Variants in MASP1 observed in about 807,000 individuals in gnomAD.
The protein encoded by MASP1 is mannan-binding lectin serine protease 1.
A neutral mutation model predicts 77.1 loss-of-function variants in MASP1; 59 were observed. The observed-to-expected ratio is 0.77, with a 90% CI of 0.62 to 0.95. The LOEUF (loss-of-function observed/expected upper bound fraction) is 0.95. Ranked by LOEUF, MASP1 falls within the 40% of genes least tolerant of loss-of-function variation. MASP1 has a pLI of 0.00. For missense variants in MASP1, 885 were observed against 912.9 expected (o/e 0.97, Z 0.39); for synonymous variants, 362 against 354.5 (o/e 1.02, Z -0.24).
intron 2 of MASP1, among the ~76,000 whole-genome samples, chr3:187,278,036 A>G (rs1315224469): frequency 1.3e-5 from 2 of 152,200 alleles, no homozygotes; most frequent in Non-Finnish European, 2.9e-5. Flanking sequence ...CATTGCCTTC[A>G]TTACCACTAT....
chr3:187,278,123 A>C (rs1254209642), intron 2 of MASP1, among the ~76,000 whole-genome samples: 1 of 152,248 alleles, frequency 6.6e-6, no homozygotes, highest in Admixed American at 6.5e-5. Context: ...CATTCACAGT[A>C]AGTCTATGAA....
chr3:187,236,451 T>G lies in MASP1; in HGVS notation c.1420A>C (p.Arg474=). 1 of 1,614,146 alleles carries G rather than the reference T, an allele frequency of 6.2e-7. No individual in the cohort carries two copies. Among genetic ancestry groups the G allele is most frequent in the Non-Finnish European group, 8.5e-7 (1 of 1,180,030 alleles). ...CCAAACCACTTGTCATTTGGCACTC[T>G]CGAAGTGTCCTCCACCACTATCAGG... ...QALIVVEDTS[R]VPNDKWFGSG... is the part of the protein sequence containing the mutation. Residue 474 remains arginine (R), a synonymous_variant, in exon 11 of 11, where the codon AGA becomes CGA. Coordinates refer to ENST00000296280, the MANE Select transcript of MASP1 (RefSeq NM_139125.4).
In MASP1 at chr3:187,250,069, A is replaced by C. The variant is rs564997723; in HGVS notation, c.1090+182T>G. On this transcript the variant is annotated intron_variant, in intron 8 of 10. Transcript: ENST00000296280. ...AAGAAGTTTCTTTTGGGATTCAAAC[A>C]TCTTATTGCCAAAAGGGGCACTGAT... Among the ~76,000 whole-genome samples, 17 of 152,344 alleles carry C rather than the reference A, an allele frequency of 1.1e-4. 1 individual carries two copies. In the South Asian group the frequency reaches 3.1e-3, roughly 28 times the overall value.
At position 187,257,863 on chromosome 3, in the gene MASP1, C is replaced by A. The variant is rs138496712; in HGVS notation, c.548-1003G>T. On this transcript the variant is annotated intron_variant, in intron 4 of 10. Transcript: ENST00000296280. ...AAGGATCTCCAGAAAAACCTTAAAA[C>A]GGAATTCCTGGCCATGATGGAGTGG... 4.3e-3 allele frequency among the ~76,000 whole-genome samples: 656 copies of A among 152,282 alleles called. 3 individuals carry two copies. Among genetic ancestry groups the A allele is most frequent in the African/African-American group, 0.015 (632 of 41,552 alleles).
At chr3:187,286,256 T>C (rs1246282861) in intron 1 of MASP1, among the ~76,000 whole-genome samples, 200 bp from the exon 2 acceptor site, 1 of 152,236 alleles carries the variant, frequency 6.6e-6, no homozygotes, top group Non-Finnish European at 1.5e-5. Context: ...TTCTTCTGGT[T>C]TTGCTCATTC....
intron 2 of MASP1, among the ~76,000 whole-genome samples, chr3:187,267,153 T>C (rs1408453250): frequency 3.3e-5 from 5 of 152,214 alleles, no homozygotes; most frequent in African/African-American, 9.6e-5. Context: ...TCATGATAAA[T>C]GAATCTAGTG....
chr3:187,223,839 C>T (rs1309505265), intron 13 of MASP1, among the ~76,000 whole-genome samples: 1 of 152,184 alleles, frequency 6.6e-6, no homozygotes, highest in East Asian at 1.9e-4. Context: ...AGTCAGAAAA[C>T]CTGTACTATA....
chr3:187,263,991 A>G (rs1205758102), intron 2 of MASP1, among the ~76,000 whole-genome samples: 1 of 152,210 alleles, frequency 6.6e-6, no homozygotes, highest in African/African-American at 2.4e-5. Flanking sequence ...CATGAAAAAA[A>G]TCTCTTACCA....
At chr3:187,289,314 C>T (rs1718113884) in intron 1 of MASP1, among the ~76,000 whole-genome samples, 1 of 152,180 alleles carries the variant, frequency 6.6e-6, no homozygotes, top group Non-Finnish European at 1.5e-5. Flanking sequence ...ACCAAGACTC[C>T]ATTTTTGAAT....
intron 2 of MASP1, among the ~76,000 whole-genome samples, chr3:187,282,510 A>AAAATG (rs144429912): frequency 7.6e-6 from 1 of 131,478 alleles, no homozygotes; most frequent in African/African-American, 2.8e-5. Context: ...AAAAAAAAAA[A>AAAATG]AAGAAGAAGA....
chr3:187,288,778 C>T (rs777404609), intron 1 of MASP1, among the ~76,000 whole-genome samples: 4 of 152,162 alleles, frequency 2.6e-5, no homozygotes, highest in South Asian at 2.1e-4. Flanking sequence ...CTCCTGAGGC[C>T]GGTTCTGTCA....
intron 2 of MASP1, among the ~76,000 whole-genome samples, chr3:187,285,504 GC>G (rs1336400914): frequency 2.6e-5 from 4 of 151,888 alleles, no homozygotes; most frequent in African/African-American, 9.7e-5. Flanking sequence ...TGAGGTCTCT[GC>G]CCTTTTCTGC....
chr3:187,252,519 G>A (rs1426337551), intron 6 of MASP1, among the ~76,000 whole-genome samples: 3 of 152,094 alleles, frequency 2.0e-5, no homozygotes, highest in African/African-American at 7.2e-5. Context: ...CTACTCTCCC[G>A]CATCTGAGCA....
At chr3:187,227,736 C>G (rs1712519825) in intron 11 of MASP1, among the ~76,000 whole-genome samples, 1 of 152,166 alleles carries the variant, frequency 6.6e-6, no homozygotes, top group Non-Finnish European at 1.5e-5. Context: ...CCAGGTGGAT[C>G]AGGTGGGCTG....
intron 2 of MASP1, among the ~76,000 whole-genome samples, chr3:187,283,332 T>TC (rs1416586422): frequency 6.6e-6 from 1 of 152,256 alleles, no homozygotes; most frequent in East Asian, 1.9e-4. Flanking sequence ...CATCATTTTT[T>TC]CCCATTAACA....
chr3:187,218,006 G>C lies in MASP1; in HGVS notation c.*2065C>G, dbSNP rs2108494880. On this transcript the variant is annotated 3_prime_UTR_variant, in exon 16 of 16. Coordinates refer to the MASP1 transcript ENST00000337774. ...TTGTGGGAGGAGCTGGTATAATAAA[G>C]GACATCTTGAGTGGACATTTACTAT... The C allele has an allele frequency of 1.3e-5, 2 of 152,316 alleles. 1 individual carries two copies. Among genetic ancestry groups the C allele is most frequent in the Middle Eastern group, 6.8e-3 (2 of 294 alleles). 9.4% of individuals were successfully genotyped at this position (152,316 alleles called of 1,614,324 possible). A position where few individuals can be genotyped will look rare whatever the true frequency, so the allele number is the denominator to read the frequency against.
intron 8 of MASP1, chr3:187,246,952 T>C: frequency 9.0e-7 from 1 of 1,108,486 alleles, no homozygotes; most frequent in Non-Finnish European, 1.1e-6. Flanking sequence ...ACATGTAGAA[T>C]GGATTAGAAA....
chr3:187,288,962 T>C (rs186920620), intron 1 of MASP1, among the ~76,000 whole-genome samples: 1 of 152,314 alleles, frequency 6.6e-6, no homozygotes, highest in East Asian at 1.9e-4. Context: ...GGCTTGAGCA[T>C]ATGCTTGCCT....
intron 2 of MASP1, chr3:187,276,562 C>T (rs3774288): frequency 0.092 from 13,941 of 152,318 alleles, 661 homozygotes; most frequent in South Asian, 0.12. Flanking sequence ...CATGTGCACC[C>T]ACACCTGGGA....
Sources: gnomAD v4.1 joint callset for allele counts (sites outside exome capture counted in the v4.1 genomes callset) on GRCh38, gnomAD v4.1.1 for gene constraint, MANE v1.5 for transcripts, NCBI Gene and HGNC (gene_info 2026-07-23, HGNC 2026-07-21) for gene names.